The following GATAD1 variants were observed in gnomAD, a reference collection of about 807,000 sequenced individuals.
GATAD1 encodes GATA zinc finger domain containing 1, also known as GATA zinc finger domain-containing protein 1.
A neutral mutation model predicts 26.5 loss-of-function variants in GATAD1; 12 were observed. The ratio of observed to expected loss-of-function variants is 0.45; its 90% CI spans 0.29 to 0.73. The LOEUF (loss-of-function observed/expected upper bound fraction) is 0.73. Among genes scored for constraint, GATAD1 ranks in the 30% least tolerant of loss-of-function variants. The probability of loss-of-function intolerance (pLI) is 0.10; values close to 1 mark genes in which losing one functional copy is unlikely to be tolerated. For missense variants in GATAD1, 266 were observed against 342.1 expected, an observed-to-expected ratio of 0.78 and a Z score of 1.75; for synonymous variants, 129 against 133.1, an observed-to-expected ratio of 0.97 and a Z score of 0.21.
chr7:92,466,822 G>C, the GATAD1 span, among the ~76,000 whole-genome samples: 6 of 152,214 alleles, frequency 3.9e-5, no homozygotes, highest in South Asian at 1.2e-3. Context: ...AACTTTTCGG[G>C]GGTGGGGGAG....
At chr7:92,464,378 C>T (rs542770869), downstream of GATAD1, among the ~76,000 whole-genome samples, 3 of 152,188 alleles carry the variant, frequency 2.0e-5, no homozygotes, top group Non-Finnish European at 4.4e-5. Flanking sequence ...TAGTTGATTT[C>T]TGTCTCCTAA....
the GATAD1 span, among the ~76,000 whole-genome samples, chr7:92,476,287 C>G: frequency 6.6e-6 from 1 of 152,276 alleles, no homozygotes; most frequent in East Asian, 1.9e-4. Context: ...GAGGTGTGCT[C>G]ACAATGAGGT....
chr7:92,489,450 G>C, the GATAD1 span: 1 of 1,603,948 alleles, frequency 6.2e-7, no homozygotes, highest in Non-Finnish European at 8.5e-7. Flanking sequence ...AATTGACGAA[G>C]AGTTAAATTA....
At chr7:92,468,767 A>G in the GATAD1 span, 2 of 731,250 alleles carry the variant, frequency 2.7e-6, no homozygotes. Context: ...CGACCGCTCT[A>G]ACTGCTTCCT....
rs368432655 is a variant in GATAD1, at chr7:92,456,612, G to A, written c.*50G>A. ...AGGCCTGGTGTGGTGGCTCACGCCT[G>A]TAGCCCCAGCTATTGCACCACTGCT... is the stretch of plus-strand genomic sequence containing the variant. On this transcript the variant is annotated 3_prime_UTR_variant, in exon 5 of 5. Transcript: ENST00000287957. The A allele has an allele frequency of 8.3e-7, 1 of 1,202,958 alleles. No individual in the cohort carries two copies. The highest frequency in any genetic ancestry group is 1.2e-6 in the Non-Finnish European group (1 of 829,002). 74.5% of individuals were successfully genotyped at this position (1,202,958 alleles called of 1,614,324 possible).
At chr7:92,455,419 C>G (rs1345867024) in intron 4 of GATAD1, among the ~76,000 whole-genome samples, 3 of 152,164 alleles carry the variant, frequency 2.0e-5, no homozygotes, top group African/African-American at 7.2e-5. Context: ...CCCATACTTG[C>G]AAATTCTCAA....
At chr7:92,479,616 A>G in the GATAD1 span, among the ~76,000 whole-genome samples, 1 of 152,166 alleles carries the variant, frequency 6.6e-6, no homozygotes, top group Non-Finnish European at 1.5e-5. Context: ...AATAAGAAAA[A>G]TAATGTAAAA....
downstream of GATAD1, among the ~76,000 whole-genome samples, chr7:92,463,533 A>C (rs1411821956): frequency 6.6e-6 from 1 of 151,974 alleles, no homozygotes; most frequent in East Asian, 1.9e-4. Flanking sequence ...GCATGGTGGC[A>C]GGCACCTGTA....
chr7:92,453,594 A>T (rs889612286), intron 3 of GATAD1, among the ~76,000 whole-genome samples: 2 of 152,212 alleles, frequency 1.3e-5, no homozygotes, highest in Non-Finnish European at 2.9e-5. Context: ...AGTCTAGGAG[A>T]TGTACAGTAG....
the GATAD1 span, chr7:92,494,634 G>A: frequency 6.2e-7 from 1 of 1,613,622 alleles, no homozygotes; most frequent in Non-Finnish European, 8.5e-7. Context: ...TGTGCTCTGG[G>A]AAAAACAAAC....
chr7:92,486,500 G>C, the GATAD1 span, among the ~76,000 whole-genome samples: 1 of 152,162 alleles, frequency 6.6e-6, no homozygotes, highest in African/African-American at 2.4e-5. Context: ...GTGCAATGCA[G>C]GGTGACGTGT....
intron 3 of GATAD1, among the ~76,000 whole-genome samples, chr7:92,453,149 A>T (rs1252603540): frequency 6.6e-6 from 1 of 152,208 alleles, no homozygotes; most frequent in African/African-American, 2.4e-5. Context: ...GCTATGTTAC[A>T]GTTCAGTTAC....
In GATAD1 at chr7:92,457,547, C is replaced by A. The variant is rs1386414272; in HGVS notation, c.*985C>A. On this transcript the variant is annotated 3_prime_UTR_variant, in exon 5 of 5. Transcript: ENST00000287957. ...AAATTATATTCTATATGTGTATCTT[C>A]CTAGGCAAAAGCTGTAATTTCCAGA... 6.6e-6 allele frequency: 1 copy of A among 152,256 alleles called. No individual in the cohort carries two copies. Among genetic ancestry groups the A allele is most frequent in the East Asian group, 1.9e-4 (1 of 5,194 alleles). The allele number at this position is 152,256 out of a possible 1,614,324, so 9.4% of individuals were successfully genotyped here. A position where few individuals can be genotyped will look rare whatever the true frequency, so the allele number is the denominator to read the frequency against.
At position 92,459,956 on chromosome 7, in the gene GATAD1, A is replaced by T. The variant is rs1199574968; in HGVS notation, c.*3394A>T. Reference sequence around the variant, plus strand: ...ATAGTCAAGTAAAATTTAGATTGTTACATTCTGGGTTAGTATTAGATTGTT... The same window carrying T: ...ATAGTCAAGTAAAATTTAGATTGTTTCATTCTGGGTTAGTATTAGATTGTT... On this transcript the variant is annotated 3_prime_UTR_variant, in exon 5 of 5. Transcript: ENST00000287957. Among the ~76,000 whole-genome samples, 1 of 152,248 alleles carries T rather than the reference A, an allele frequency of 6.6e-6. No homozygotes were observed. Among genetic ancestry groups the T allele is most frequent in the Admixed American group, 6.5e-5 (1 of 15,282 alleles).
chr7:92,465,859 G>A, the GATAD1 span, among the ~76,000 whole-genome samples: 7 of 151,964 alleles, frequency 4.6e-5, 2 homozygotes. Context: ...AAATTAGCCC[G>A]GCGTGGTGGC....
the GATAD1 span, among the ~76,000 whole-genome samples, chr7:92,488,924 G>GAA: frequency 1.3e-5 from 2 of 152,058 alleles, no homozygotes; most frequent in African/African-American, 4.8e-5. Context: ...AGTAGAGATG[G>GAA]GGTTTCCCCG....
At chr7:92,450,000 A>T (rs1789355831) in intron 2 of GATAD1, 1 of 152,178 alleles carries the variant, frequency 6.6e-6, no homozygotes, top group Non-Finnish European at 1.5e-5. Context: ...AAAACATGTT[A>T]TTGATATTTG....
the GATAD1 span, among the ~76,000 whole-genome samples, chr7:92,484,738 T>G: frequency 6.6e-6 from 1 of 152,152 alleles, no homozygotes; most frequent in Non-Finnish European, 1.5e-5. Flanking sequence ...GGCTGGTTGG[T>G]CTGAGGACCC....
chr7:92,450,398 T>G (rs778667949), intron 2 of GATAD1: 64 of 332,692 alleles, frequency 1.9e-4, no homozygotes, highest in Non-Finnish European at 3.0e-4. Flanking sequence ...GCAGGTACAT[T>G]TTTATAACTG....
Sources: allele counts gnomAD v4.1 joint callset (sites outside exome capture counted in the v4.1 genomes callset), GRCh38; gene constraint gnomAD v4.1.1; transcripts MANE v1.5; gene names NCBI Gene and HGNC (gene_info 2026-07-23, HGNC 2026-07-21).